VWC2: variants seen among roughly 807,000 people sequenced by gnomAD.
The protein encoded by VWC2 is brorin.
A neutral mutation model predicts 29.8 loss-of-function variants in VWC2; 14 were observed. The observed-to-expected ratio is 0.47, with a 90% CI of 0.31 to 0.74. The LOEUF (loss-of-function observed/expected upper bound fraction) is 0.74, where lower values mean the gene tolerates loss of function less well. VWC2 is among the 30% of genes least tolerant of loss of function. The probability of loss-of-function intolerance (pLI) is 0.05; values close to 1 mark genes in which losing one functional copy is unlikely to be tolerated. For missense variants in VWC2, 457 were observed against 459.8 expected (o/e 0.99, Z 0.05); for synonymous variants, 213 against 199.0 (o/e 1.07, Z -0.59).
intron 3 of VWC2, among the ~76,000 whole-genome samples, chr7:49,874,310 T>C (rs181015608): frequency 6.6e-6 from 1 of 152,224 alleles, no homozygotes; most frequent in South Asian, 2.1e-4. Flanking sequence ...GTTAGATATG[T>C]TTAGATACAC....
chr7:49,902,673 GA>G (rs1206020868), intron 3 of VWC2, among the ~76,000 whole-genome samples: 5 of 151,554 alleles, frequency 3.3e-5, no homozygotes, highest in Non-Finnish European at 7.4e-5. Context: ...GAAATAACAA[GA>G]AAAAAACTTT....
At chr7:49,840,016 G>A (rs537192008) in intron 3 of VWC2, among the ~76,000 whole-genome samples, 1 of 152,298 alleles carries the variant, frequency 6.6e-6, no homozygotes, top group Non-Finnish European at 1.5e-5. Flanking sequence ...AATGGGTGCT[G>A]GGACGTGTCT....
At chr7:49,784,790 T>C (rs532987216) in intron 2 of VWC2, among the ~76,000 whole-genome samples, 2 of 152,310 alleles carry the variant, frequency 1.3e-5, no homozygotes, top group Admixed American at 6.5e-5. Context: ...AACAGGTATC[T>C]GATCTAAACA....
chr7:49,881,575 A>G (rs1233463469), intron 3 of VWC2, among the ~76,000 whole-genome samples: 1 of 152,168 alleles, frequency 6.6e-6, no homozygotes, highest in African/African-American at 2.4e-5. Flanking sequence ...TTAGCCCCAC[A>G]AAATGTGTGC....
rs937393440 is a variant in VWC2 at position 49,848,105 on chromosome 7, G to A, written c.826+45265G>A. Among the ~76,000 whole-genome samples the A allele has an allele frequency of 2.0e-5, 3 of 152,304 alleles. No homozygotes were observed. In the East Asian group the frequency reaches 5.8e-4, roughly 29 times the overall value. On this transcript the variant is annotated intron_variant, in intron 3 of 3. Coordinates refer to ENST00000340652, the MANE Select transcript of VWC2 (RefSeq NM_198570.5). ...AATTAGATCTGTCTCTGGGAGAAAT[G>A]TAACAGGAGTCAGCTTTGTGAGTGG... is the stretch of plus-strand genomic sequence containing the variant.
intron 3 of VWC2, among the ~76,000 whole-genome samples, chr7:49,810,589 A>C (rs564765131): frequency 4.6e-5 from 7 of 152,318 alleles, no homozygotes; most frequent in African/African-American, 1.7e-4. Flanking sequence ...TTAAAAGAAC[A>C]AAGTTGGAAA....
intron 3 of VWC2, among the ~76,000 whole-genome samples, chr7:49,807,182 A>T (rs1156465290): frequency 2.6e-5 from 4 of 152,216 alleles, no homozygotes; most frequent in Non-Finnish European, 5.9e-5. Context: ...CATGTTCATG[A>T]TTGAAAGACT....
intron 3 of VWC2, among the ~76,000 whole-genome samples, chr7:49,851,955 G>A (rs1790197194): frequency 6.6e-6 from 1 of 152,070 alleles, no homozygotes; most frequent in African/African-American, 2.4e-5. Flanking sequence ...TCCCACTCCC[G>A]TTCTAAGGAC....
At chr7:49,832,661 CAA>C (rs1789563868) in intron 3 of VWC2, among the ~76,000 whole-genome samples, 1 of 152,240 alleles carries the variant, frequency 6.6e-6, no homozygotes, top group Non-Finnish European at 1.5e-5. Context: ...GCACTTAGCA[CAA>C]GTCTGTCTAT....
chr7:49,799,035 C>T (rs149299990), intron 2 of VWC2, among the ~76,000 whole-genome samples: 148 of 152,214 alleles, frequency 9.7e-4, no homozygotes, highest in Middle Eastern at 3.4e-3. Flanking sequence ...CTTCACCAAA[C>T]GAGGAGCATG....
chr7:49,790,292 G>A (rs1044643890), intron 2 of VWC2, among the ~76,000 whole-genome samples: 2 of 152,214 alleles, frequency 1.3e-5, no homozygotes, highest in South Asian at 2.1e-4. Flanking sequence ...CGAGAAGAAA[G>A]CTGTATTGCC....
chr7:49,847,426 G>A (rs950723514), intron 3 of VWC2, among the ~76,000 whole-genome samples: 2 of 152,048 alleles, frequency 1.3e-5, no homozygotes, highest in African/African-American at 2.4e-5. Flanking sequence ...TGAGCACAGA[G>A]CCTTGCAGGG....
At chr7:49,883,473 T>C (rs482797) in intron 3 of VWC2, among the ~76,000 whole-genome samples, 4,238 of 152,262 alleles carry the variant, frequency 0.028, 212 homozygotes, top group African/African-American at 0.097. Flanking sequence ...TGGCATTAGA[T>C]TTAAACTAAC....
intron 3 of VWC2, among the ~76,000 whole-genome samples, chr7:49,876,026 C>A (rs1433100090): frequency 6.6e-6 from 1 of 152,080 alleles, no homozygotes; most frequent in African/African-American, 2.4e-5. Context: ...GCAATATTCT[C>A]AAAAATCACT....
chr7:49,775,700 C>T lies in VWC2; in HGVS notation c.265C>T (p.Pro89Ser). ...CGGCCGTGGGCTCGCCGGCCGTGAG[C>T]CGTGGAGCAAGCTGAAGCAGGCCTG... is the stretch of plus-strand genomic sequence containing the variant. ...KSGRGLAGRE[P>S]WSKLKQAWVS... is the part of the protein sequence containing the mutation. The change falls in exon 2 of 4, where the codon CCG (proline) becomes TCG (serine). Residue 89 changes from proline to serine, a missense_variant. This residue lies in a region of VWC2 where 272 missense variants were observed against 202.7 expected (regional missense o/e 1.34). Coordinates refer to ENST00000340652, the MANE Select transcript of VWC2 (RefSeq NM_198570.5). The T allele has an allele frequency of 6.6e-7, 1 of 1,524,248 alleles. No homozygotes were observed. Among genetic ancestry groups the T allele is most frequent in the Non-Finnish European group, 8.8e-7 (1 of 1,138,666 alleles). The allele number at this position is 1,524,248 out of a possible 1,614,324, so 94.4% of individuals were successfully genotyped here.
intron 3 of VWC2, among the ~76,000 whole-genome samples, chr7:49,900,786 A>C (rs1451905307): frequency 6.6e-6 from 1 of 151,890 alleles, no homozygotes; most frequent in African/African-American, 2.4e-5. Flanking sequence ...CCCTATTACC[A>C]AACCAGACAT....
chr7:49,776,043 A>G lies in VWC2; in HGVS notation c.608A>G (p.Asp203Gly). 6.5e-7 allele frequency: 1 copy of G among 1,548,374 alleles called. No homozygotes were observed. Among genetic ancestry groups the G allele is most frequent in the Non-Finnish European group, 8.7e-7 (1 of 1,152,966 alleles). The change falls in exon 2 of 4, where the codon GAC becomes GGC. Residue 203 changes from aspartate to glycine, a missense_variant. This residue lies in a region of VWC2 where 185 missense variants were observed against 257.1 expected (regional missense o/e 0.72). Coordinates refer to ENST00000340652, the MANE Select transcript of VWC2 (RefSeq NM_198570.5). ...CTGCACCCGCGCTGCATCCACGTCG[A>G]CACGAGCCAGTGCTGCCCGCAGTGC... ...PRLHPRCIHV[D>G]TSQCCPQCKE...
chr7:49,774,731 C>T (rs1000376807), intron 1 of VWC2, among the ~76,000 whole-genome samples: 1 of 152,116 alleles, frequency 6.6e-6, no homozygotes, highest in Non-Finnish European at 1.5e-5. Flanking sequence ...TTTCATGCAG[C>T]GGGGCTTAGA....
At chr7:49,884,489 G>A (rs1205472271) in intron 3 of VWC2, among the ~76,000 whole-genome samples, 1 of 152,176 alleles carries the variant, frequency 6.6e-6, no homozygotes, top group Non-Finnish European at 1.5e-5. Flanking sequence ...TCATCCTGAT[G>A]GATGAGGGGT....
Sources: gnomAD v4.1 joint callset for allele counts (sites outside exome capture counted in the v4.1 genomes callset) on GRCh38, gnomAD v4.1.1 for gene constraint, gnomAD v4.1.1 regional missense constraint, MANE v1.5 for transcripts, NCBI Gene and HGNC (gene_info 2026-07-23, HGNC 2026-07-21) for gene names.